TUBGCP3: variants seen among roughly 807,000 people sequenced by gnomAD.
The protein encoded by TUBGCP3 is tubulin gamma complex component 3.
Under a neutral mutation model 123.1 loss-of-function variants are expected in TUBGCP3, and 50 were observed. That is an observed-to-expected ratio of 0.41 (90% confidence interval 0.32 to 0.51). TUBGCP3 has a LOEUF of 0.51. Ranked by LOEUF, TUBGCP3 falls within the 20% of genes least tolerant of loss-of-function variation. The pLI is 0.36. For synonymous variants in TUBGCP3, 405 were observed against 413.9 expected (o/e 0.98, Z 0.26); for missense variants, 882 against 1,127.0 (o/e 0.78, Z 3.11).
intron 21 of TUBGCP3, among the ~76,000 whole-genome samples, chr13:112,488,307 AGAAATATTTTTCAT>A (rs1879813213): frequency 6.6e-6 from 1 of 152,082 alleles, no homozygotes; most frequent in East Asian, 1.9e-4. Context: ...GCGACTGAAC[AGAAATATTTTTCAT>A]GAAATCTTTT....
intron 3 of TUBGCP3, 150 bp downstream of exon 3, chr13:112,564,961 A>T (rs1880839806): frequency 6.8e-6 from 4 of 591,970 alleles, no homozygotes; most frequent in Non-Finnish European, 8.4e-6. Flanking sequence ...TGAAGCTCAC[A>T]CAAAAAAAGC....
chr13:112,529,901 C>T (rs1164780417), intron 11 of TUBGCP3, among the ~76,000 whole-genome samples: 1 of 152,156 alleles, frequency 6.6e-6, no homozygotes, highest in Non-Finnish European at 1.5e-5. Context: ...TTAAAAATTA[C>T]ATAGCAATAC....
intron 8 of TUBGCP3, among the ~76,000 whole-genome samples, chr13:112,552,451 C>T (rs1179025605): frequency 6.6e-6 from 1 of 152,236 alleles, no homozygotes; most frequent in Non-Finnish European, 1.5e-5. Flanking sequence ...CTCCTATCTG[C>T]CCTTGCAATG....
intron 11 of TUBGCP3, among the ~76,000 whole-genome samples, chr13:112,542,690 G>A (rs1056825117): frequency 6.6e-6 from 1 of 152,190 alleles, no homozygotes; most frequent in Admixed American, 6.5e-5. Flanking sequence ...TACAGTGTCA[G>A]AGGTCAGTAT....
rs567325705 is a variant in TUBGCP3, at chr13:112,524,418, C to T, written c.1556-1909G>A. Among the ~76,000 whole-genome samples the T allele has an allele frequency of 5.9e-5, 9 of 152,274 alleles. No individual in the cohort carries two copies. Among genetic ancestry groups the T allele is most frequent in the South Asian group, 2.1e-4 (1 of 4,826 alleles). Reference sequence around the variant, plus strand: ...AGCAGCAACCTTCATGGAGAGCCTCCGGCACAGCAGGCGCATGGGGACGCC... The same window carrying T: ...AGCAGCAACCTTCATGGAGAGCCTCTGGCACAGCAGGCGCATGGGGACGCC... On this transcript the variant is annotated intron_variant, in intron 13 of 21. Transcript: ENST00000261965. This position sits in a 1 kb window ranked among gnomAD's most constrained non-coding sequence, Gnocchi z 4.4.
intron 19 of TUBGCP3, among the ~76,000 whole-genome samples, chr13:112,503,688 T>C (rs1002252537): frequency 1.3e-5 from 2 of 152,224 alleles, no homozygotes; most frequent in African/African-American, 4.8e-5. Context: ...TTATATCGTG[T>C]TGCTTATTTT....
At chr13:112,592,291 C>T (rs1276149100), upstream of TUBGCP3, among the ~76,000 whole-genome samples, 2 of 152,228 alleles carry the variant, frequency 1.3e-5, no homozygotes, top group Non-Finnish European at 2.9e-5. This position sits in a 1 kb window ranked among gnomAD's most constrained non-coding sequence, Gnocchi z 4.1. Context: ...ACAAACAACA[C>T]ACTTTTAATC....
intron 11 of TUBGCP3, among the ~76,000 whole-genome samples, chr13:112,536,701 T>C (rs1452664759): frequency 2.0e-5 from 3 of 152,194 alleles, no homozygotes; most frequent in Non-Finnish European, 4.4e-5. Flanking sequence ...TCTCTACCTA[T>C]ATATAATCTT....
intron 17 of TUBGCP3, 47 bp from the exon 18 acceptor site, chr13:112,504,761 C>T: frequency 6.8e-7 from 1 of 1,470,664 alleles, no homozygotes; most frequent in Non-Finnish European, 9.5e-7. Context: ...AGTACACTTA[C>T]CGACAACGCG....
chr13:112,532,521 T>C (rs1484548206), intron 11 of TUBGCP3, among the ~76,000 whole-genome samples: 1 of 152,234 alleles, frequency 6.6e-6, no homozygotes, highest in Non-Finnish European at 1.5e-5. Context: ...ATCTTTACTA[T>C]CCAAAGGGCA....
Position 112,587,957 on chromosome 13 carries a change from C to T in TUBGCP3, c.24G>A (p.Ser8=). The change falls in exon 1 of 22, where the codon TCG becomes TCA. Residue 8 remains serine (S), a synonymous_variant. Transcript: ENST00000261965. The part of the protein sequence containing the change: MATPDQK[S]PNVLLQNLCC... ...ACAGGTTCTGCAGCAGAACGTTCGG[C>T]GACTTCTGGTCCGGGGTCGCCATCC... 6.3e-7 allele frequency: 1 copy of T among 1,592,888 alleles called. No individual in the cohort carries two copies. Among genetic ancestry groups the T allele is most frequent in the East Asian group, 2.4e-5 (1 of 42,526 alleles).
At position 112,527,394 on chromosome 13, in the gene TUBGCP3, T is replaced by A; in HGVS notation, c.1426A>T (p.Thr476Ser). ...LRKSMIPSFM[T>S]MDQSRKVLLI... ...CCTACCTTCCTAGACTGATCCATCG[T>A]CATAAACGAAGGAATCATCGATTTC... The change falls in exon 12 of 22, where the codon ACG (threonine) becomes TCG (serine). Residue 476 changes from threonine to serine, a missense_variant. Physicochemically the swap from Thr to Ser is moderately conservative, Grantham distance 58. This residue lies in a region of TUBGCP3 where 713 missense variants were observed against 874.0 expected (regional missense o/e 0.82). Transcript: ENST00000261965. 1 of 1,589,054 alleles carries A rather than the reference T, an allele frequency of 6.3e-7. No individual in the cohort carries two copies. Among genetic ancestry groups the A allele is most frequent in the Non-Finnish European group, 8.5e-7 (1 of 1,170,852 alleles).
At chr13:112,491,005 C>A (rs7328017) in intron 20 of TUBGCP3, among the ~76,000 whole-genome samples, 13,570 of 152,130 alleles carry the variant, frequency 0.089, 1,574 homozygotes, top group African/African-American at 0.26. Flanking sequence ...AGAGTAAGTT[C>A]TTTCTCACTT....
chr13:112,501,194 T>A (rs1232698736), intron 19 of TUBGCP3, among the ~76,000 whole-genome samples: 1 of 152,242 alleles, frequency 6.6e-6, no homozygotes, highest in Non-Finnish European at 1.5e-5. Context: ...TCTTACAAGT[T>A]CTCATCTTAG....
rs747558080 is a variant in TUBGCP3, at chr13:112,504,753, T to C, written c.2087-39A>G. 1.4e-5 allele frequency: 21 copies of C among 1,531,110 alleles called. No homozygotes were observed. The South Asian group carries it at 2.3e-4, about 16-fold the overall frequency. The allele number at this position is 1,531,110 out of a possible 1,614,324, so 94.8% of individuals were successfully genotyped here. A position where few individuals can be genotyped will look rare whatever the true frequency, so the allele number is the denominator to read the frequency against. On this transcript the variant is annotated intron_variant, in intron 17 of 21. Coordinates refer to ENST00000261965, the MANE Select transcript of TUBGCP3 (RefSeq NM_006322.6). The stretch of plus-strand genomic sequence containing the variant: ...GTTGACGTCAGAGGTGCAATGCAAG[T>C]ACACTTACCGACAACGCGCTGTTCT...
the TUBGCP3 span, chr13:112,602,980 G>T: frequency 2.0e-5 from 3 of 152,212 alleles, no homozygotes; most frequent in Non-Finnish European, 2.9e-5. Flanking sequence ...TGCAAAGTCG[G>T]TTTTCTGTTA....
intron 1 of TUBGCP3, among the ~76,000 whole-genome samples, chr13:112,584,604 T>C (rs916250419): frequency 1.2e-4 from 18 of 152,246 alleles, no homozygotes; most frequent in Non-Finnish European, 2.2e-4. Flanking sequence ...TAGTGGCTTG[T>C]AGGACACTCA....
In TUBGCP3 at chr13:112,556,094, A is replaced by T; in HGVS notation, c.679T>A (p.Ser227Thr). The T allele has an allele frequency of 6.2e-7, 1 of 1,614,062 alleles. No homozygotes were observed. Among genetic ancestry groups the T allele is most frequent in the Non-Finnish European group, 8.5e-7 (1 of 1,179,984 alleles). Residue 227 changes from serine to threonine, a missense_variant, in exon 6 of 22, where the codon TCT (serine) becomes ACT (threonine). Coordinates refer to ENST00000261965, the MANE Select transcript of TUBGCP3 (RefSeq NM_006322.6). Reference sequence around the variant, plus strand: ...CTCCTGGACCTTGTCATGTTGCGAGACACAGCACTGGGGACACCTTTTGAG... The same window carrying T: ...CTCCTGGACCTTGTCATGTTGCGAGTCACAGCACTGGGGACACCTTTTGAG... ...TTSKGVPSAV[S>T]RNMTRSRREG...
At chr13:112,589,283 C>T (rs1383510344), upstream of TUBGCP3, among the ~76,000 whole-genome samples, 1 of 152,248 alleles carries the variant, frequency 6.6e-6, no homozygotes, top group Non-Finnish European at 1.5e-5. Flanking sequence ...CCCCCACCTT[C>T]AGCTGAAACG....
Sources: gnomAD v4.1 joint callset for allele counts (sites outside exome capture counted in the v4.1 genomes callset) on GRCh38, gnomAD v4.1.1 for gene constraint, gnomAD v4.1.1 regional missense constraint, Gnocchi (gnomAD v3.1) non-coding constraint, MANE v1.5 for transcripts, NCBI Gene and HGNC (gene_info 2026-07-23, HGNC 2026-07-21) for gene names.